Variants in CEP70 observed in about 807,000 individuals in gnomAD.
CEP70 encodes the protein centrosomal protein 70.
CEP70 carries 70 observed loss-of-function variants against 90.9 expected under a neutral mutation model. The observed-to-expected ratio is 0.77, with a 90% CI of 0.64 to 0.94. The LOEUF (loss-of-function observed/expected upper bound fraction) is 0.94, where lower values mean the gene tolerates loss of function less well. Ranked by LOEUF, CEP70 falls within the 40% of genes least tolerant of loss-of-function variation. The pLI, the probability that CEP70 is intolerant of heterozygous loss-of-function variation, is 0.00. For synonymous variants in CEP70, 220 were observed against 228.3 expected (o/e 0.96, Z 0.33); for missense variants, 648 against 669.0 (o/e 0.97, Z 0.35).
In CEP70 at chr3:138,500,128, C is replaced by G. The variant is rs563049064; in HGVS notation, c.1634G>C (p.Gly545Ala). The G allele has an allele frequency of 1.1e-5, 18 of 1,611,164 alleles. No homozygotes were observed. Among genetic ancestry groups the G allele is most frequent in the Non-Finnish European group, 1.5e-5 (18 of 1,177,560 alleles). ...DVNEQVMQVL[G>A]PEDLQSIIYK... ...CAAATACCTCTGGAGGTCTTCAGGTCCTAATACCTGCATAACCTGCTCATT... is the reference window on the plus strand; with the variant it reads ...CAAATACCTCTGGAGGTCTTCAGGTGCTAATACCTGCATAACCTGCTCATT... Residue 545 changes from glycine to alanine, a missense_variant, in exon 16 of 18, where the codon GGA becomes GCA. By Grantham distance (60) the Gly-to-Ala change is moderately conservative (BLOSUM62 0). Transcript: ENST00000264982.
intron 6 of CEP70, among the ~76,000 whole-genome samples, chr3:138,545,069 C>A (rs536152403): frequency 6.6e-6 from 1 of 152,230 alleles, no homozygotes; most frequent in African/African-American, 2.4e-5. Flanking sequence ...ATTCTAATGT[C>A]TCCAACATAA....
At chr3:138,552,005 G>A (rs1423712084) in intron 6 of CEP70, among the ~76,000 whole-genome samples, 1 of 152,128 alleles carries the variant, frequency 6.6e-6, no homozygotes, top group Non-Finnish European at 1.5e-5. Context: ...ATGGACAAAA[G>A]CGAGTAGGAG....
intron 6 of CEP70, among the ~76,000 whole-genome samples, chr3:138,564,629 C>T (rs955860410): frequency 2.6e-5 from 4 of 152,152 alleles, no homozygotes; most frequent in African/African-American, 9.6e-5. Context: ...CAGAAAAGGA[C>T]TTCGACAAAA....
At chr3:138,576,856 T>G (rs956754105) in intron 2 of CEP70, among the ~76,000 whole-genome samples, 2 of 152,116 alleles carry the variant, frequency 1.3e-5, no homozygotes, top group Non-Finnish European at 2.9e-5. Flanking sequence ...ATGACTACTG[T>G]GTAAATAACA....
At chr3:138,554,810 G>A (rs1274313940) in intron 6 of CEP70, among the ~76,000 whole-genome samples, 1 of 152,210 alleles carries the variant, frequency 6.6e-6, no homozygotes, top group African/African-American at 2.4e-5. Context: ...CTGGATATTA[G>A]TCCTTTGTCG....
rs35132741 is a variant in CEP70 at position 138,502,539 on chromosome 3, G to GA, written c.1222-1659dup. On this transcript the variant is annotated intron_variant, in intron 13 of 17. Transcript: ENST00000264982. ...TTTACAATCAATGCCACTAGAATTTGAAAAAAAAAAAAGTCAGCAAGTAAC... is the reference window on the plus strand; with the variant it reads ...TTTACAATCAATGCCACTAGAATTTGAAAAAAAAAAAAAGTCAGCAAGTAAC... Among the ~76,000 whole-genome samples the GA allele has an allele frequency of 5.7e-3, 802 of 141,086 alleles. 6 individuals are homozygous for GA. Among genetic ancestry groups the GA allele is most frequent in the African/African-American group, 0.017 (646 of 38,858 alleles). 92.6% of individuals were successfully genotyped at this position (141,086 alleles called of 152,430 possible).
At chr3:138,529,930 G>T (rs1182369601) in intron 8 of CEP70, among the ~76,000 whole-genome samples, 1 of 152,150 alleles carries the variant, frequency 6.6e-6, no homozygotes, top group African/African-American at 2.4e-5. Flanking sequence ...AATAGTCTTG[G>T]TTCAAGCCTT....
chr3:138,542,724 G>A (rs762329141), intron 6 of CEP70, among the ~76,000 whole-genome samples: 53 of 152,320 alleles, frequency 3.5e-4, no homozygotes, highest in Non-Finnish European at 6.8e-4. Context: ...ACAGCCCGGC[G>A]AGTCGGCCAG....
At chr3:138,497,358 A>C in intron 17 of CEP70, 1 of 1,237,784 alleles carries the variant, frequency 8.1e-7, no homozygotes, top group Non-Finnish European at 1.0e-6. Context: ...CTTTCAAATG[A>C]GCTATACAGA....
chr3:138,562,413 T>A (rs1468766064), intron 6 of CEP70, among the ~76,000 whole-genome samples: 2 of 152,048 alleles, frequency 1.3e-5, no homozygotes, highest in African/African-American at 4.8e-5. Flanking sequence ...ATTGTCAGAT[T>A]CACCAAGGTT....
Position 138,537,301 on chromosome 3 carries a change from G to C in CEP70, c.512C>G (p.Thr171Ser). The change falls in exon 7 of 18, where the codon ACT (threonine) becomes AGT (serine). Residue 171 changes from threonine to serine, a missense_variant. Physicochemically the swap from Thr to Ser is moderately conservative, Grantham distance 58 (BLOSUM62 1). Transcript: ENST00000264982. ...GACTTCCATTTGCAAAGAAGCAATA[G>C]TTTCTTCTTGCTCCGTTCGTTTTTT... ...YKKKRTEQEE[T>S]IASLQMEVCR... is the part of the protein sequence containing the mutation. The C allele has an allele frequency of 1.2e-6, 2 of 1,605,528 alleles. No individual in the cohort carries two copies. Among genetic ancestry groups the C allele is most frequent in the Non-Finnish European group, 1.7e-6 (2 of 1,176,808 alleles).
At chr3:138,495,765 T>C (rs1455312631) in intron 17 of CEP70, 1 of 466,738 alleles carries the variant, frequency 2.1e-6, no homozygotes, top group Admixed American at 6.4e-5. Context: ...GGCAGGAGAA[T>C]TGCTTGAACC....
chr3:138,578,150 T>C (rs946932101), intron 2 of CEP70, among the ~76,000 whole-genome samples: 16 of 152,178 alleles, frequency 1.1e-4, no homozygotes, highest in African/African-American at 3.9e-4. Context: ...TATCTGCAGG[T>C]TTCAATCTGC....
At chr3:138,496,958 G>A (rs1476176836) in intron 17 of CEP70, 2 of 988,874 alleles carry the variant, frequency 2.0e-6, no homozygotes, top group African/African-American at 3.5e-5. Flanking sequence ...TGAATGATGA[G>A]AACATCACTG....
intron 6 of CEP70, among the ~76,000 whole-genome samples, chr3:138,540,839 A>T (rs1468034021): frequency 6.6e-6 from 1 of 152,210 alleles, no homozygotes; most frequent in East Asian, 1.9e-4. Context: ...CATGGAATCA[A>T]CTGAAATACT....
At position 138,521,221 on chromosome 3, in the gene CEP70, G is replaced by A. The variant is rs9942083; in HGVS notation, c.944+4269C>T. 3.5e-3 allele frequency among the ~76,000 whole-genome samples: 540 copies of A among 152,240 alleles called. 5 individuals carry two copies. The highest frequency in any genetic ancestry group is 0.012 in the African/African-American group (507 of 41,552). ...AGTGCTGAGATTGCAGCCTCTGCCC[G>A]GCCACCACCCCATCTAGGAAGTGAG... On this transcript the variant is annotated intron_variant, in intron 11 of 17. Coordinates refer to ENST00000264982, the MANE Select transcript of CEP70 (RefSeq NM_024491.4).
chr3:138,543,302 C>T (rs781042531), intron 6 of CEP70, among the ~76,000 whole-genome samples: 29 of 152,208 alleles, frequency 1.9e-4, no homozygotes, highest in Non-Finnish European at 3.1e-4. Context: ...CTCCCTTCTG[C>T]GCTCGTCGGC....
intron 11 of CEP70, among the ~76,000 whole-genome samples, 192 bp downstream of exon 11, chr3:138,525,298 A>T (rs971790532): frequency 3.3e-5 from 5 of 152,154 alleles, no homozygotes; most frequent in African/African-American, 1.2e-4. Flanking sequence ...TAGCATTAGG[A>T]GATATACCTA....
At chr3:138,529,532 G>A in intron 8 of CEP70, 70 bp from the exon 9 acceptor site, 1 of 865,056 alleles carries the variant, frequency 1.2e-6, no homozygotes, top group Admixed American at 2.3e-5. Context: ...TTAAACCAAT[G>A]TAATGAGGGT....
Sources: allele counts gnomAD v4.1 joint callset (sites outside exome capture counted in the v4.1 genomes callset), GRCh38; gene constraint gnomAD v4.1.1; transcripts MANE v1.5; gene names NCBI Gene and HGNC (gene_info 2026-07-23, HGNC 2026-07-21).